Variants in NCR3LG1 observed in about 807,000 individuals in gnomAD.
The protein encoded by NCR3LG1 is natural killer cell cytotoxicity receptor 3 ligand 1.
Under a neutral mutation model 34.8 loss-of-function variants are expected in NCR3LG1, and 35 were observed. That is an observed-to-expected ratio of 1.01 (90% CI 0.77 to 1.33). NCR3LG1 has a LOEUF of 1.33. NCR3LG1 is among the 40% of genes most tolerant of loss of function. The pLI is 0.00. For synonymous variants in NCR3LG1, 173 were observed against 163.6 expected (o/e 1.06, Z -0.44); for missense variants, 452 against 423.3 (o/e 1.07, Z -0.60).
chr11:17,354,819 A>G (rs1203733387), intron 1 of NCR3LG1, among the ~76,000 whole-genome samples: 2 of 152,104 alleles, frequency 1.3e-5, no homozygotes, highest in Non-Finnish European at 2.9e-5. Flanking sequence ...TCTTTGAGTA[A>G]GTTGGCAGGT....
chr11:17,381,647 A>G (rs1378702008), downstream of NCR3LG1: 2 of 152,530 alleles, frequency 1.3e-5, no homozygotes, highest in Non-Finnish European at 2.9e-5. Flanking sequence ...TAAAGAGTAA[A>G]CAGAGGAAAG....
rs1481292156 is a variant in NCR3LG1 at position 17,367,332 on chromosome 11, CG to C, written c.747del (p.His250ThrfsTer29). 19 of 1,533,566 alleles carry C rather than the reference CG, an allele frequency of 1.2e-5. No individual in the cohort carries two copies. Among genetic ancestry groups the C allele is most frequent in the Non-Finnish European group, 1.7e-5 (19 of 1,145,028 alleles). The allele number at this position is 1,533,566 out of a possible 1,614,324, so 95.0% of individuals were successfully genotyped here. A position where few individuals can be genotyped will look rare whatever the true frequency, so the allele number is the denominator to read the frequency against. On this transcript the variant is annotated frameshift_variant, in exon 3 of 5. Coordinates refer to ENST00000338965, the MANE Select transcript of NCR3LG1 (RefSeq NM_001202439.3). LOFTEE classifies it high-confidence loss of function. Reference protein sequence around the residue: ...LRSNFTLTAARHSLSETEKTD... With the variant: ...LRSNFTLTAAXHSLSETEKTD... ...GAGCAACTTTACCCTGACTGCTGCTCGGCACAGTCTTTCTGGTAAGGGTCTT... is the reference window on the plus strand; with the variant it reads ...GAGCAACTTTACCCTGACTGCTGCTCGCACAGTCTTTCTGGTAAGGGTCTT...
Position 17,351,889 on chromosome 11 carries a change from G to A in NCR3LG1, c.-81G>A. ...GTCTCCGTCAACTCTTTACGCAACA[G>A]AGGTCTCCCCCTGCCCTTGGTTTCT... On this transcript the variant is annotated 5_prime_UTR_variant, in exon 1 of 5. Transcript: ENST00000338965. 1 of 1,104,388 alleles carries A rather than the reference G, an allele frequency of 9.1e-7. No individual in the cohort carries two copies. Among genetic ancestry groups the A allele is most frequent in the Non-Finnish European group, 1.3e-6 (1 of 757,372 alleles). 68.4% of individuals were successfully genotyped at this position (1,104,388 alleles called of 1,614,324 possible). A position where few individuals can be genotyped will look rare whatever the true frequency, so the allele number is the denominator to read the frequency against.
rs1338668343 is a variant in NCR3LG1, at chr11:17,351,837, A to C, written c.-133A>C. On this transcript the variant is annotated 5_prime_UTR_variant, in exon 1 of 5. Coordinates refer to ENST00000338965, the MANE Select transcript of NCR3LG1 (RefSeq NM_001202439.3). Reference sequence around the variant, plus strand: ...GGGATCTGAAGAAGTGGGATGTGCAAAAGCGCCGGCTGGAAATCCCGGCTG... The same window carrying C: ...GGGATCTGAAGAAGTGGGATGTGCACAAGCGCCGGCTGGAAATCCCGGCTG... The C allele has an allele frequency of 2.8e-5, 20 of 719,858 alleles. No homozygotes were observed. The highest frequency in any genetic ancestry group is 2.3e-4 in the Middle Eastern group (1 of 4,260). 44.6% of individuals were successfully genotyped at this position (719,858 alleles called of 1,614,324 possible). A position where few individuals can be genotyped will look rare whatever the true frequency, so the allele number is the denominator to read the frequency against.
downstream of NCR3LG1, among the ~76,000 whole-genome samples, chr11:17,378,740 C>T (rs4757510): frequency 0.11 from 16,122 of 152,134 alleles, 1,160 homozygotes; most frequent in South Asian, 0.16. Flanking sequence ...GGTGGGTCCT[C>T]GGTAAAATTC....
chr11:17,381,424 C>T (rs1348032923), downstream of NCR3LG1: 2 of 152,622 alleles, frequency 1.3e-5, no homozygotes, highest in Non-Finnish European at 2.9e-5. Context: ...ACTGTTGCAG[C>T]TGCCCTCCTT....
chr11:17,352,052 T>C lies in NCR3LG1; in HGVS notation c.70+13T>C. On this transcript the variant is annotated intron_variant, in intron 1 of 4. Coordinates refer to ENST00000338965, the MANE Select transcript of NCR3LG1 (RefSeq NM_001202439.3). ...CTGACGACCGAAGGTAGGGGGCGGC[T>C]GGGGTGGGCTGGGGCGGGGGCTCCT... 1.2e-5 allele frequency: 1 copy of C among 84,016 alleles called. No homozygotes were observed. Among genetic ancestry groups the C allele is most frequent in the Non-Finnish European group, 2.3e-5 (1 of 43,302 alleles). 5.2% of individuals were successfully genotyped at this position (84,016 alleles called of 1,614,324 possible). A position where few individuals can be genotyped will look rare whatever the true frequency, so the allele number is the denominator to read the frequency against.
chr11:17,375,020 C>T lies in NCR3LG1; in HGVS notation c.*2508C>T, dbSNP rs970600732. 6.6e-6 allele frequency: 1 copy of T among 152,218 alleles called. No homozygotes were observed. The highest frequency in any genetic ancestry group is 2.4e-5 in the African/African-American group (1 of 41,444). 9.4% of individuals were successfully genotyped at this position (152,218 alleles called of 1,614,324 possible). ...GGAGGCTAAAGGATGGCCAGCTTGC[C>T]TCTGAGCAGTTACAGTAGTGGCCCT... On this transcript the variant is annotated 3_prime_UTR_variant, in exon 5 of 5. Transcript: ENST00000338965.
In NCR3LG1 at chr11:17,356,769, C is replaced by G; in HGVS notation, c.189C>G (p.Ile63Met). Reference protein sequence around the residue: ...SQPLNITSMGITWFWKSLTFD... With the variant: ...SQPLNITSMGMTWFWKSLTFD... ...CCCTCAACATCACGTCTATGGGTAT[C>G]ACCTGGTTTTGGAAGAGTCTGACGT... The change falls in exon 2 of 5, where the codon ATC becomes ATG. Residue 63 changes from isoleucine to methionine, a missense_variant. Physicochemically the swap from Ile to Met is conservative, Grantham distance 10. Transcript: ENST00000338965. 6.5e-7 allele frequency: 1 copy of G among 1,536,344 alleles called. No homozygotes were observed. Among genetic ancestry groups the G allele is most frequent in the Non-Finnish European group, 8.7e-7 (1 of 1,146,950 alleles).
chr11:17,367,375 C>G (rs1953357719), intron 3 of NCR3LG1, 28 bp downstream of exon 3: 1 of 1,488,922 alleles, frequency 6.7e-7, no homozygotes, highest in Non-Finnish European at 9.0e-7. Flanking sequence ...CATTTCTTCT[C>G]TTCCTTGCCT....
intron 2 of NCR3LG1, among the ~76,000 whole-genome samples, chr11:17,359,697 A>G (rs1262947523): frequency 6.6e-6 from 1 of 151,882 alleles, no homozygotes; most frequent in Non-Finnish European, 1.5e-5. Context: ...TTTTTAGTAG[A>G]GATGGGGTCT....
In NCR3LG1 at chr11:17,352,020, G is replaced by T; in HGVS notation, c.51G>T (p.Leu17=). ...CGTGCGCGGCGCTCCTGATTCTGCTGTGGGCGCTGACGACCGAAGGTAGGG... is the reference window on the plus strand; with the variant it reads ...CGTGCGCGGCGCTCCTGATTCTGCTTTGGGCGCTGACGACCGAAGGTAGGG... ...ASTCAALLIL[L]WALTTEGDLK... The change falls in exon 1 of 5, where the codon CTG becomes CTT. Residue 17 remains leucine (L), a synonymous_variant. Transcript: ENST00000338965. 1 of 1,520,214 alleles carries T rather than the reference G, an allele frequency of 6.6e-7. No homozygotes were observed. The highest frequency in any genetic ancestry group is 8.8e-7 in the Non-Finnish European group (1 of 1,139,262). The allele number at this position is 1,520,214 out of a possible 1,614,324, so 94.2% of individuals were successfully genotyped here.
At position 17,363,534 on chromosome 11, in the gene NCR3LG1, C is replaced by CCTT. The variant is rs1554898604; in HGVS notation, c.422-3474_422-3473insTTC. Among the ~76,000 whole-genome samples the CCTT allele has an allele frequency of 1.9e-3, 151 of 79,644 alleles. 2 individuals are homozygous for CCTT. Among genetic ancestry groups the CCTT allele is most frequent in the African/African-American group, 8.5e-3 (127 of 14,954 alleles). The allele number at this position is 79,644 out of a possible 152,430, so 52.2% of individuals were successfully genotyped here. A position where few individuals can be genotyped will look rare whatever the true frequency, so the allele number is the denominator to read the frequency against. ...TCCCTCCCTCCCTCCCTCCCTCCCT[C>CCTT]CCTCCCTCCCTTCCTTCCTTCCTTC... is the stretch of plus-strand genomic sequence containing the variant. On this transcript the variant is annotated intron_variant, in intron 2 of 4. Coordinates refer to ENST00000338965, the MANE Select transcript of NCR3LG1 (RefSeq NM_001202439.3).
intron 1 of NCR3LG1, among the ~76,000 whole-genome samples, chr11:17,355,471 T>G (rs1426759996): frequency 6.6e-6 from 1 of 151,782 alleles, no homozygotes; most frequent in African/African-American, 2.4e-5. Context: ...GATAAAATAC[T>G]TATGAGTAAA....
rs1953138488 is a variant in NCR3LG1, at chr11:17,351,901, T to A, written c.-69T>A. 7 of 1,239,314 alleles carry A rather than the reference T, an allele frequency of 5.6e-6. No individual in the cohort carries two copies. The highest frequency in any genetic ancestry group is 8.0e-6 in the Non-Finnish European group (7 of 878,552). The allele number at this position is 1,239,314 out of a possible 1,614,324, so 76.8% of individuals were successfully genotyped here. ...TCTTTACGCAACAGAGGTCTCCCCCTGCCCTTGGTTTCTACCGGGCCGCCT... is the reference window on the plus strand; with the variant it reads ...TCTTTACGCAACAGAGGTCTCCCCCAGCCCTTGGTTTCTACCGGGCCGCCT... On this transcript the variant is annotated 5_prime_UTR_variant, in exon 1 of 5. Transcript: ENST00000338965.
At chr11:17,371,598 A>C (rs540974496) in intron 4 of NCR3LG1, among the ~76,000 whole-genome samples, 1 of 152,338 alleles carries the variant, frequency 6.6e-6, no homozygotes, top group African/African-American at 2.4e-5. Context: ...GAAATCAATC[A>C]GTCTCATTCT....
In NCR3LG1 at chr11:17,352,048, C is replaced by T. The variant is rs544745284; in HGVS notation, c.70+9C>T. On this transcript the variant is annotated intron_variant, in intron 1 of 4. Transcript: ENST00000338965. Reference sequence around the variant, plus strand: ...GGCGCTGACGACCGAAGGTAGGGGGCGGCTGGGGTGGGCTGGGGCGGGGGC... The same window carrying T: ...GGCGCTGACGACCGAAGGTAGGGGGTGGCTGGGGTGGGCTGGGGCGGGGGC... The T allele has an allele frequency of 2.7e-4, 53 of 192,876 alleles. 1 individual carries two copies. The highest frequency in any genetic ancestry group is 1.9e-3 in the South Asian group (50 of 26,328). 11.9% of individuals were successfully genotyped at this position (192,876 alleles called of 1,614,324 possible).
rs1364639945 is a variant in NCR3LG1 at position 17,373,460 on chromosome 11, C to CT, written c.*949dup. On this transcript the variant is annotated 3_prime_UTR_variant, in exon 5 of 5. Coordinates refer to ENST00000338965, the MANE Select transcript of NCR3LG1 (RefSeq NM_001202439.3). ...AGACTGTCCTGGGAAGCATAGGTCA[C>CT]TGAGTCCAGAGCCAGTCTCACAAAT... is the stretch of plus-strand genomic sequence containing the variant. 1.3e-5 allele frequency: 2 copies of CT among 152,354 alleles called. No individual in the cohort carries two copies. Among genetic ancestry groups the CT allele is most frequent in the African/African-American group, 4.8e-5 (2 of 41,454 alleles). The allele number at this position is 152,354 out of a possible 1,614,324, so 9.4% of individuals were successfully genotyped here.
chr11:17,378,926 G>A (rs1286784304), downstream of NCR3LG1, among the ~76,000 whole-genome samples: 1 of 152,150 alleles, frequency 6.6e-6, no homozygotes, highest in African/African-American at 2.4e-5. Context: ...GCGCAGTAAG[G>A]GGAACAAAGC....
Sources: gnomAD v4.1 joint callset for allele counts (sites outside exome capture counted in the v4.1 genomes callset) on GRCh38, gnomAD v4.1.1 for gene constraint, MANE v1.5 for transcripts, NCBI Gene and HGNC (gene_info 2026-07-23, HGNC 2026-07-21) for gene names.